Variants in PRKG1 observed in about 807,000 individuals in gnomAD.
PRKG1 encodes cGMP-dependent protein kinase 1.
PRKG1 carries 35 observed loss-of-function variants against 88.1 expected under a neutral mutation model. The observed-to-expected ratio is 0.40, with a 90% CI of 0.30 to 0.53. The LOEUF is 0.53. Ranked by LOEUF, PRKG1 falls within the 20% of genes least tolerant of loss-of-function variation. The pLI is 0.59. For missense variants in PRKG1, 540 were observed against 839.8 expected (o/e 0.64, Z 4.41); for synonymous variants, 303 against 292.5 (o/e 1.04, Z -0.37).
chr10:51,798,244 C>A (rs908654677), intron 3 of PRKG1, among the ~76,000 whole-genome samples: 1 of 152,012 alleles, frequency 6.6e-6, no homozygotes. Flanking sequence ...ACAGTGGCTG[C>A]ACCATCTTAT....
At chr10:51,866,903 T>G (rs1005031420) in intron 4 of PRKG1, among the ~76,000 whole-genome samples, 2 of 152,122 alleles carry the variant, frequency 1.3e-5, no homozygotes, top group Admixed American at 1.3e-4. Context: ...GAACTCTCTA[T>G]CCCCAAAACC....
At chr10:51,936,295 T>G (rs1241046696) in intron 5 of PRKG1, among the ~76,000 whole-genome samples, 2 of 152,072 alleles carry the variant, frequency 1.3e-5, no homozygotes. Flanking sequence ...CTTTTTTCCC[T>G]GTTGCTGATG....
At chr10:51,838,808 G>A (rs1840194509) in intron 4 of PRKG1, among the ~76,000 whole-genome samples, 1 of 152,116 alleles carries the variant, frequency 6.6e-6, no homozygotes, top group Admixed American at 6.6e-5. Flanking sequence ...TAGCCTAATG[G>A]GAAGTGATGG....
intron 9 of PRKG1, among the ~76,000 whole-genome samples, chr10:52,194,544 C>T (rs1839456643): frequency 1.3e-5 from 2 of 152,174 alleles, no homozygotes; most frequent in South Asian, 4.1e-4. Flanking sequence ...AATACATATT[C>T]ACCATGTAAG....
intron 3 of PRKG1, among the ~76,000 whole-genome samples, chr10:51,642,163 G>A (rs183258386): frequency 5.5e-4 from 84 of 152,224 alleles, no homozygotes; most frequent in African/African-American, 2.0e-3. Context: ...AGGCCAAGGC[G>A]GCCGGATCAC....
At chr10:51,136,159 G>A (rs968669674) in intron 1 of PRKG1, among the ~76,000 whole-genome samples, 1 of 152,018 alleles carries the variant, frequency 6.6e-6, no homozygotes, top group Non-Finnish European at 1.5e-5. Context: ...CTTGGTGAGT[G>A]GATATGGGGT....
intron 3 of PRKG1, among the ~76,000 whole-genome samples, chr10:51,722,148 G>A (rs923210067): frequency 6.6e-6 from 1 of 151,788 alleles, no homozygotes; most frequent in African/African-American, 2.4e-5. Context: ...AGAATTGCTT[G>A]AACCTGGGAG....
At position 52,163,567 on chromosome 10, in the gene PRKG1, G is replaced by C. The variant is rs560138429; in HGVS notation, c.1076+1604G>C. 1.6e-4 allele frequency among the ~76,000 whole-genome samples: 25 copies of C among 151,978 alleles called. No homozygotes were observed. The South Asian group carries it at 5.2e-3, about 32-fold the overall frequency. ...CATTTTTCCTATTAAACTTTAGAAG[G>C]ATTTTCTAATGAATGTTTTTGTAGA... On this transcript the variant is annotated intron_variant, in intron 9 of 17. Coordinates refer to ENST00000373980, the MANE Select transcript of PRKG1 (RefSeq NM_006258.4).
At chr10:51,933,146 T>C (rs1254929685) in intron 5 of PRKG1, among the ~76,000 whole-genome samples, 1 of 152,080 alleles carries the variant, frequency 6.6e-6, no homozygotes. Context: ...CTAATTACAA[T>C]CCTATCTTAC....
intron 2 of PRKG1, among the ~76,000 whole-genome samples, chr10:51,322,692 T>G (rs754186550): frequency 6.6e-6 from 1 of 152,190 alleles, no homozygotes; most frequent in Non-Finnish European, 1.5e-5. Flanking sequence ...CTCCTGAGGT[T>G]TTACAGAAAG....
At chr10:51,187,239 T>C (rs1018763903) in intron 2 of PRKG1, among the ~76,000 whole-genome samples, 8 of 151,826 alleles carry the variant, frequency 5.3e-5, no homozygotes, top group African/African-American at 1.9e-4. Context: ...GTTAAAGTTT[T>C]AGCAAGGGAA....
chr10:51,922,513 C>T (rs1317006927), intron 5 of PRKG1, among the ~76,000 whole-genome samples: 2 of 151,502 alleles, frequency 1.3e-5, no homozygotes, highest in Admixed American at 6.6e-5. Context: ...ATCTTTCTTC[C>T]TTTGTAATGT....
chr10:51,087,033 G>A (rs73338494), intron 1 of PRKG1, among the ~76,000 whole-genome samples: 5,585 of 152,180 alleles, frequency 0.037, 125 homozygotes, highest in Middle Eastern at 0.058. Flanking sequence ...TTTTTAAATC[G>A]TCTCTGACAG....
chr10:52,249,935 ATC>A (rs1428704696), intron 9 of PRKG1, among the ~76,000 whole-genome samples: 1 of 152,180 alleles, frequency 6.6e-6, no homozygotes, highest in Non-Finnish European at 1.5e-5. Flanking sequence ...TTCAACAACG[ATC>A]TCATTAAGGA....
intron 9 of PRKG1, among the ~76,000 whole-genome samples, chr10:52,235,750 A>T (rs1443676433): frequency 2.2e-5 from 2 of 90,174 alleles, no homozygotes; most frequent in Non-Finnish European, 4.6e-5. Context: ...AACATTAGAC[A>T]GATCAACGAG....
chr10:52,040,148 C>A (rs1450050319), intron 5 of PRKG1, among the ~76,000 whole-genome samples: 1 of 152,186 alleles, frequency 6.6e-6, no homozygotes, highest in Non-Finnish European at 1.5e-5. Flanking sequence ...TTATTTTAAA[C>A]TCCTAAAGAA....
intron 3 of PRKG1, among the ~76,000 whole-genome samples, chr10:51,513,494 A>G (rs1028898933): frequency 4.5e-5 from 5 of 112,084 alleles, no homozygotes; most frequent in African/African-American, 1.5e-4. Context: ...CACCAAGCGG[A>G]CCTAATAGAC....
chr10:51,418,979 T>C (rs1313333318), intron 2 of PRKG1, among the ~76,000 whole-genome samples: 1 of 152,200 alleles, frequency 6.6e-6, no homozygotes, highest in East Asian at 1.9e-4. Flanking sequence ...TAATATTTTT[T>C]TCAGTATTCA....
intron 7 of PRKG1, among the ~76,000 whole-genome samples, chr10:52,130,601 AGTTT>A (rs781172618): frequency 2.1e-4 from 32 of 152,308 alleles, no homozygotes; most frequent in Middle Eastern, 3.4e-3. Context: ...TTGTGATGGT[AGTTT>A]GTTTATTATT....
Sources: allele counts gnomAD v4.1 joint callset (sites outside exome capture counted in the v4.1 genomes callset), GRCh38; gene constraint gnomAD v4.1.1; transcripts MANE v1.5; gene names NCBI Gene and HGNC (gene_info 2026-07-23, HGNC 2026-07-21).